Variants in TEAD1 observed in about 807,000 individuals in gnomAD.
TEAD1 encodes TEA domain transcription factor 1.
TEAD1 carries 9 observed loss-of-function variants against 54.9 expected under a neutral mutation model. The observed-to-expected ratio is 0.16, with a 90% CI of 0.10 to 0.29. The LOEUF is 0.29. Among genes scored for constraint, TEAD1 ranks in the 10% least tolerant of loss-of-function variants. The pLI is 1.00. For missense variants in TEAD1, 387 were observed against 535.9 expected (o/e 0.72, Z 2.74); for synonymous variants, 200 against 187.8 (o/e 1.07, Z -0.53).
chr11:12,932,417 G>A (rs976755726), intron 12 of TEAD1, among the ~76,000 whole-genome samples: 1 of 152,042 alleles, frequency 6.6e-6, no homozygotes, highest in Non-Finnish European at 1.5e-5. Flanking sequence ...CCTCTCTTGG[G>A]GGGGAGTCTT....
At chr11:12,872,585 G>T (rs958181944) in intron 5 of TEAD1, among the ~76,000 whole-genome samples, 1 of 152,250 alleles carries the variant, frequency 6.6e-6, no homozygotes, top group Non-Finnish European at 1.5e-5. Context: ...AGAAATTAAT[G>T]ATGGGAGCCA....
intron 9 of TEAD1, among the ~76,000 whole-genome samples, chr11:12,894,614 C>T (rs1036190860): frequency 1.3e-5 from 2 of 152,110 alleles, no homozygotes; most frequent in Non-Finnish European, 2.9e-5. Flanking sequence ...GAGGGAAATG[C>T]GGACGCCAGA....
chr11:12,881,753 C>T (rs1753145765), intron 7 of TEAD1, 143 bp from the exon 8 acceptor site: 2 of 798,896 alleles, frequency 2.5e-6, no homozygotes, highest in African/African-American at 1.7e-5. Context: ...GAACAACTGC[C>T]TCTGCCTGGG....
At chr11:12,820,085 G>A (rs1262387590) in intron 3 of TEAD1, among the ~76,000 whole-genome samples, 1 of 152,038 alleles carries the variant, frequency 6.6e-6, no homozygotes, top group African/African-American at 2.4e-5. Flanking sequence ...AGGTCATGGG[G>A]GTCCACTGTG....
intron 11 of TEAD1, among the ~76,000 whole-genome samples, chr11:12,929,759 T>G (rs1351021068): frequency 6.6e-6 from 1 of 152,142 alleles, no homozygotes; most frequent in Non-Finnish European, 1.5e-5. Context: ...TTTTCTAAAG[T>G]AGAGAGATTA....
intron 3 of TEAD1, among the ~76,000 whole-genome samples, chr11:12,780,773 G>C (rs952286717): frequency 6.6e-6 from 1 of 152,206 alleles, no homozygotes; most frequent in Non-Finnish European, 1.5e-5. Context: ...TAAGACAGCA[G>C]TACCTACAAA....
chr11:12,789,952 G>A (rs556012519), intron 3 of TEAD1, among the ~76,000 whole-genome samples: 1 of 152,384 alleles, frequency 6.6e-6, no homozygotes, highest in African/African-American at 2.4e-5. Flanking sequence ...TGTCAGGCCA[G>A]GGCTGCTTGA....
At chr11:12,694,782 A>C (rs749070918) in intron 2 of TEAD1, among the ~76,000 whole-genome samples, 39 of 152,206 alleles carry the variant, frequency 2.6e-4, no homozygotes, top group Non-Finnish European at 3.7e-4. Flanking sequence ...GGGATTTGAG[A>C]AAATGGGACT....
chr11:12,812,176 T>C (rs1459788925), intron 3 of TEAD1, among the ~76,000 whole-genome samples: 4 of 152,126 alleles, frequency 2.6e-5, no homozygotes, highest in African/African-American at 9.7e-5. Context: ...GGCTTGTGGT[T>C]GTGGACTGAG....
At chr11:12,864,759 C>T (rs1947581440) in intron 4 of TEAD1, 79 bp from the exon 5 acceptor site, 1 of 1,612,444 alleles carries the variant, frequency 6.2e-7, no homozygotes. Flanking sequence ...GTACGTCTGG[C>T]TTGCCCACTT....
At chr11:12,694,291 A>G (rs1442015389) in intron 2 of TEAD1, among the ~76,000 whole-genome samples, 5 of 152,052 alleles carry the variant, frequency 3.3e-5, no homozygotes, top group African/African-American at 1.2e-4. Flanking sequence ...GGAGAGAAAA[A>G]AGAGAGAGAG....
chr11:12,741,717 A>G (rs573654332), intron 2 of TEAD1, among the ~76,000 whole-genome samples: 102 of 152,290 alleles, frequency 6.7e-4, no homozygotes, highest in African/African-American at 2.2e-3. Context: ...GGTTCAGGAT[A>G]TTAAAGAGGA....
chr11:12,681,214 AT>A (rs1178827313), intron 2 of TEAD1, among the ~76,000 whole-genome samples: 1 of 152,162 alleles, frequency 6.6e-6, no homozygotes, highest in Non-Finnish European at 1.5e-5. Context: ...CAGATACTTA[AT>A]AGCATTTCAT....
At chr11:12,835,061 T>G (rs1021343582) in intron 3 of TEAD1, among the ~76,000 whole-genome samples, 1 of 152,192 alleles carries the variant, frequency 6.6e-6, no homozygotes, top group African/African-American at 2.4e-5. Flanking sequence ...TATATCACTT[T>G]CATGGGGTTC....
intron 9 of TEAD1, among the ~76,000 whole-genome samples, chr11:12,887,373 G>A (rs1177307895): frequency 1.2e-4 from 18 of 152,120 alleles, no homozygotes; most frequent in Admixed American, 1.2e-3. Flanking sequence ...GGGATTACAG[G>A]CGTGAACCAC....
chr11:12,697,189 T>C (rs889119825), intron 2 of TEAD1, among the ~76,000 whole-genome samples: 2 of 152,002 alleles, frequency 1.3e-5, no homozygotes, highest in African/African-American at 4.8e-5. Flanking sequence ...CTGAGCAATG[T>C]GGAAGGCATG....
In TEAD1 at chr11:12,677,710, C is replaced by T. The variant is rs77051673; in HGVS notation, c.-55+2149C>T. Among the ~76,000 whole-genome samples the T allele has an allele frequency of 4.0e-3, 602 of 152,196 alleles. 2 individuals are homozygous for T. The highest frequency in any genetic ancestry group is 0.013 in the African/African-American group (540 of 41,534). On this transcript the variant is annotated intron_variant, in intron 2 of 12. Coordinates refer to ENST00000527636, the MANE Select transcript of TEAD1 (RefSeq NM_021961.6). ...ATTTTCAGCAGAAAAGTATATAATA[C>T]GAACAGTTTAAAGCATGTAGATCCC...
chr11:12,908,883 G>GTTTTTTTTTGTTTTTTTT (rs1554948599), intron 10 of TEAD1, among the ~76,000 whole-genome samples: 7 of 99,662 alleles, frequency 7.0e-5, no homozygotes, highest in African/African-American at 2.2e-4. Context: ...CAAATTATCT[G>GTTTTTTTTTGTTTTTTTT]TTTTTTTTTT....
At chr11:12,686,545 G>GC (rs1943337819) in intron 2 of TEAD1, among the ~76,000 whole-genome samples, 2 of 148,594 alleles carry the variant, frequency 1.3e-5, no homozygotes, top group Admixed American at 1.3e-4. Context: ...TTAGAAAGAA[G>GC]TTTTTTTTTT....
Sources: gnomAD v4.1 joint callset for allele counts (sites outside exome capture counted in the v4.1 genomes callset) on GRCh38, gnomAD v4.1.1 for gene constraint, MANE v1.5 for transcripts, NCBI Gene and HGNC (gene_info 2026-07-23, HGNC 2026-07-21) for gene names.